DNAJB14: variants seen among roughly 807,000 people sequenced by gnomAD.
DNAJB14 encodes DnaJ heat shock protein family (Hsp40) member B14, also known as dnaJ homolog subfamily B member 14.
In DNAJB14, 22 loss-of-function variants were observed where a neutral mutation model predicts 48.4. The ratio of observed to expected loss-of-function variants is 0.45; its 90% CI spans 0.32 to 0.65. The LOEUF (loss-of-function observed/expected upper bound fraction) is 0.65. DNAJB14 is among the 30% of genes least tolerant of loss of function. The probability of loss-of-function intolerance (pLI) is 0.03; values close to 1 mark genes in which losing one functional copy is unlikely to be tolerated. For synonymous variants in DNAJB14, 142 were observed against 158.7 expected (o/e 0.89, Z 0.79); for missense variants, 319 against 458.8 (o/e 0.70, Z 2.78).
chr4:99,914,624 C>A (rs990017106), intron 3 of DNAJB14, among the ~76,000 whole-genome samples: 1 of 150,854 alleles, frequency 6.6e-6, no homozygotes, highest in African/African-American at 2.4e-5. Flanking sequence ...GCACATGTAC[C>A]CTAGAACTTA....
rs1241190083 is a variant in DNAJB14 at position 99,896,796 on chromosome 4, G to A, written c.*4232C>T. ...CCTTAAATGGCAAAGTAGAATATCAGACTGAAATGTACAGAGTGTTGTGCT... is the reference window on the plus strand; with the variant it reads ...CCTTAAATGGCAAAGTAGAATATCAAACTGAAATGTACAGAGTGTTGTGCT... On this transcript the variant is annotated 3_prime_UTR_variant, in exon 8 of 8. Transcript: ENST00000442697. The A allele has an allele frequency of 6.6e-6, 1 of 152,094 alleles. No individual in the cohort carries two copies. Among genetic ancestry groups the A allele is most frequent in the African/African-American group, 2.4e-5 (1 of 41,430 alleles). The allele number at this position is 152,094 out of a possible 1,614,324, so 9.4% of individuals were successfully genotyped here. A position where few individuals can be genotyped will look rare whatever the true frequency, so the allele number is the denominator to read the frequency against.
chr4:99,927,934 A>G (rs572417676), intron 2 of DNAJB14: 1 of 152,334 alleles, frequency 6.6e-6, no homozygotes, highest in African/African-American at 2.4e-5. Context: ...GAAGGCTAAT[A>G]TAAGAGAAAA....
intron 7 of DNAJB14, among the ~76,000 whole-genome samples, chr4:99,901,845 T>G (rs1048662336): frequency 6.6e-6 from 1 of 152,070 alleles, no homozygotes; most frequent in South Asian, 2.1e-4. Context: ...TAGGAGCACT[T>G]AAAGAAGATG....
At chr4:99,916,231 C>T (rs1026986880) in intron 3 of DNAJB14, among the ~76,000 whole-genome samples, 2 of 152,162 alleles carry the variant, frequency 1.3e-5, no homozygotes, top group Non-Finnish European at 2.9e-5. Flanking sequence ...CTCAACCCCC[C>T]AGGCTCAAGT....
intron 1 of DNAJB14, among the ~76,000 whole-genome samples, chr4:99,941,559 G>A (rs536796247): frequency 6.6e-6 from 1 of 152,206 alleles, no homozygotes; most frequent in African/African-American, 2.4e-5. Context: ...TGACAGAAAT[G>A]GAATTATTGT....
intron 1 of DNAJB14, among the ~76,000 whole-genome samples, chr4:99,934,674 T>C (rs1726601272): frequency 6.7e-6 from 1 of 149,408 alleles, no homozygotes; most frequent in South Asian, 2.1e-4. Flanking sequence ...GTGCCTGTAA[T>C]CCCAGCTACC....
chr4:99,946,399 T>G (rs1177683360), intron 1 of DNAJB14, 40 bp downstream of exon 1: 2 of 1,580,598 alleles, frequency 1.3e-6, no homozygotes, highest in Non-Finnish European at 1.7e-6. Flanking sequence ...CGCGGTGGTC[T>G]GGGGATTGGG....
intron 1 of DNAJB14, among the ~76,000 whole-genome samples, chr4:99,933,817 AACC>A (rs1219595909): frequency 1.3e-5 from 2 of 152,212 alleles, no homozygotes; most frequent in Non-Finnish European, 2.9e-5. Flanking sequence ...GGTGGGGAAA[AACC>A]ACCAACTGCC....
chr4:99,932,035 T>A (rs946203998), intron 1 of DNAJB14, among the ~76,000 whole-genome samples: 1 of 152,044 alleles, frequency 6.6e-6, no homozygotes, highest in African/African-American at 2.4e-5. Flanking sequence ...GAATGGATCA[T>A]GAATCTAAGT....
At chr4:99,914,670 A>T (rs1399707879) in intron 3 of DNAJB14, among the ~76,000 whole-genome samples, 4 of 151,966 alleles carry the variant, frequency 2.6e-5, no homozygotes, top group African/African-American at 9.7e-5. Context: ...AATAAAAAAT[A>T]AAAATAAAAA....
intron 3 of DNAJB14, among the ~76,000 whole-genome samples, chr4:99,911,311 T>A (rs1465859576): frequency 6.6e-6 from 1 of 152,146 alleles, no homozygotes; most frequent in Non-Finnish European, 1.5e-5. Context: ...AACATCTAGT[T>A]TTTTTCTAGT....
intron 7 of DNAJB14, among the ~76,000 whole-genome samples, chr4:99,901,836 A>G (rs1487177281): frequency 6.6e-6 from 1 of 152,134 alleles, no homozygotes; most frequent in Non-Finnish European, 1.5e-5. Flanking sequence ...TGTAAAGACT[A>G]GGAGCACTTA....
intron 3 of DNAJB14, among the ~76,000 whole-genome samples, chr4:99,916,230 C>G (rs2110202806): frequency 6.6e-6 from 1 of 152,224 alleles, no homozygotes; most frequent in East Asian, 1.9e-4. Flanking sequence ...CCTCAACCCC[C>G]CAGGCTCAAG....
rs147455283 is a variant in DNAJB14, at chr4:99,906,000, G to A, written c.733-294C>T. 5,125 of 1,293,034 alleles carry A rather than the reference G, an allele frequency of 4.0e-3. 21 individuals carry two copies. Among genetic ancestry groups the A allele is most frequent in the Non-Finnish European group, 4.5e-3 (4,569 of 1,006,646 alleles). The allele number at this position is 1,293,034 out of a possible 1,614,324, so 80.1% of individuals were successfully genotyped here. A position where few individuals can be genotyped will look rare whatever the true frequency, so the allele number is the denominator to read the frequency against. On this transcript the variant is annotated intron_variant, in intron 5 of 7. Transcript: ENST00000442697. ...CTCCCTCCCCCCCACACACAGAGAC[G>A]CTATCAATATGCTGCAGGCTGTAAA...
At chr4:99,909,291 C>A (rs914531070) in intron 3 of DNAJB14, among the ~76,000 whole-genome samples, 1 of 152,002 alleles carries the variant, frequency 6.6e-6, no homozygotes, top group Admixed American at 6.6e-5. Flanking sequence ...CCATTATTAT[C>A]CTCACTTTAC....
At chr4:99,937,690 C>T (rs1215369582) in intron 1 of DNAJB14, among the ~76,000 whole-genome samples, 1 of 151,822 alleles carries the variant, frequency 6.6e-6, no homozygotes, top group African/African-American at 2.4e-5. Context: ...CATGCCACTA[C>T]ACTCCAGTCT....
chr4:99,946,442 G>T lies in DNAJB14; in HGVS notation c.130C>A (p.Arg44Ser). ...AEKLYPLPSA[R>S]ALLEIIMKNG... ...AGAAGGGACGCTGAGGTCTCACCGC[G>T]GGCCGAGGGCAGTGGGTAGAGCTTC... The change falls in exon 1 of 8, where the codon CGC becomes AGC. Residue 44 changes from arginine to serine, a missense_variant. Arg to Ser is a moderately radical substitution (Grantham distance 110). Transcript: ENST00000442697. The T allele has an allele frequency of 6.2e-7, 1 of 1,611,636 alleles. No individual in the cohort carries two copies. The highest frequency in any genetic ancestry group is 8.5e-7 in the Non-Finnish European group (1 of 1,178,956).
Position 99,905,809 on chromosome 4 carries a change from T to A in DNAJB14, c.733-103A>T, listed in dbSNP as rs1725443899. ...GAGGCAGAAAGCGCATTTGAGATCA[T>A]CTAGTTCAGTGCTTTCAAATCTGCG... On this transcript the variant is annotated intron_variant, in intron 5 of 7. Transcript: ENST00000442697. 2.3e-6 allele frequency: 3 copies of A among 1,320,068 alleles called. No homozygotes were observed. In the South Asian group the frequency reaches 4.0e-5, roughly 18 times the overall value. 81.8% of individuals were successfully genotyped at this position (1,320,068 alleles called of 1,614,324 possible).
intron 3 of DNAJB14, among the ~76,000 whole-genome samples, chr4:99,921,122 C>A (rs1283610120): frequency 6.6e-6 from 1 of 152,182 alleles, no homozygotes; most frequent in Admixed American, 6.5e-5. Context: ...TGGATTACAA[C>A]TTGAGTTTTC....
Sources: gnomAD v4.1 joint callset for allele counts (sites outside exome capture counted in the v4.1 genomes callset) on GRCh38, gnomAD v4.1.1 for gene constraint, MANE v1.5 for transcripts, NCBI Gene and HGNC (gene_info 2026-07-23, HGNC 2026-07-21) for gene names.